The following DNAH8 variants were observed in gnomAD, a reference collection of about 807,000 sequenced individuals.
The protein encoded by DNAH8 is dynein axonemal heavy chain 8.
DNAH8 carries 382 observed loss-of-function variants against 562.1 expected under a neutral mutation model. The observed-to-expected ratio is 0.68, with a 90% CI of 0.63 to 0.74. The LOEUF is 0.74. DNAH8 is among the 30% of genes least tolerant of loss of function. DNAH8 has a pLI of 0.00. For synonymous variants in DNAH8, 1,881 were observed against 1,919.4 expected (o/e 0.98, Z 0.52); for missense variants, 5,203 against 5,620.4 (o/e 0.93, Z 2.37).
intron 22 of DNAH8, among the ~76,000 whole-genome samples, chr6:38,803,663 C>CTT (rs35261274): frequency 6.8e-4 from 94 of 138,620 alleles, no homozygotes; most frequent in African/African-American, 1.8e-3. Flanking sequence ...ATTTATTTTA[C>CTT]TTTTTTTTTT....
Position 38,873,649 on chromosome 6 carries a change from A to C in DNAH8, c.7620+273A>C, listed in dbSNP as rs1175210531. Among the ~76,000 whole-genome samples, 3 of 152,004 alleles carry C rather than the reference A, an allele frequency of 2.0e-5. No individual in the cohort carries two copies. The East Asian group carries it at 5.8e-4, about 29-fold the overall frequency. The stretch of plus-strand genomic sequence containing the variant: ...TCAGGTTTAGTGACCTGTCCCATAA[A>C]GTGTGTATAATAATGACAGTCAATA... On this transcript the variant is annotated intron_variant, in intron 52 of 92. Transcript: ENST00000327475.
At chr6:38,744,508 A>G (rs1764770556) in intron 8 of DNAH8, 1 of 151,996 alleles carries the variant, frequency 6.6e-6, no homozygotes, top group Admixed American at 6.6e-5. Context: ...CTGGCTATTC[A>G]TATTTCTTTT....
chr6:38,910,398 A>G (rs761888035), intron 65 of DNAH8, among the ~76,000 whole-genome samples: 2 of 152,242 alleles, frequency 1.3e-5, no homozygotes, highest in African/African-American at 2.4e-5. Context: ...TTTTCTGCAT[A>G]GAGAGTTTGC....
intron 21 of DNAH8, among the ~76,000 whole-genome samples, chr6:38,795,201 A>T (rs1464703017): frequency 2.6e-5 from 4 of 152,206 alleles, no homozygotes; most frequent in African/African-American, 9.6e-5. Context: ...CATCACAATG[A>T]TCTATTTCCA....
intron 37 of DNAH8, among the ~76,000 whole-genome samples, chr6:38,849,258 CTG>C (rs1434725052): frequency 6.6e-6 from 1 of 152,116 alleles, no homozygotes; most frequent in Non-Finnish European, 1.5e-5. Context: ...TAATATTCCT[CTG>C]AGAATAATAT....
chr6:38,882,912 G>T lies in DNAH8; in HGVS notation c.7861G>T (p.Asp2621Tyr), dbSNP rs1415506933. ...ATGAAATTTTACTTATTATATAGGT[G>T]ATTGGGAGCACTGGAATAAGAAACT... ...MYEFYVTDYG[D>Y]WEHWNKKLQP... The change falls in exon 54 of 93, where the codon GAT (aspartate) becomes TAT (tyrosine). Residue 2621 changes from aspartate (D) to tyrosine (Y), a missense_variant and splice_region_variant. Around this residue, in one of 6 missense-constraint regions of DNAH8, gnomAD observed 977 missense variants for 1,061.8 expected, o/e 0.92. Transcript: ENST00000327475. The T allele has an allele frequency of 1.3e-6, 2 of 1,569,938 alleles. No homozygotes were observed. The highest frequency in any genetic ancestry group is 2.5e-5 in the South Asian group (2 of 80,560).
chr6:38,742,400 C>A (rs954372127), intron 8 of DNAH8, among the ~76,000 whole-genome samples: 10 of 152,044 alleles, frequency 6.6e-5, no homozygotes, highest in Non-Finnish European at 1.2e-4. Flanking sequence ...CAGGCTCAAG[C>A]GATTATCTTG....
intron 84 of DNAH8, 131 bp from the exon 85 acceptor site, chr6:38,974,243 A>G (rs967749832): frequency 1.4e-6 from 1 of 726,808 alleles, no homozygotes; most frequent in African/African-American, 1.8e-5. Flanking sequence ...TAATATTCCA[A>G]AATCTGAAAT....
At chr6:38,898,230 A>T in intron 60 of DNAH8, 28 bp from the exon 61 acceptor site, 11 of 1,559,860 alleles carry the variant, frequency 7.1e-6, no homozygotes, top group Non-Finnish European at 9.5e-6. Context: ...CTTAAATATT[A>T]TTTTTTTATC....
chr6:38,823,947 T>C (rs1773095983), intron 28 of DNAH8, among the ~76,000 whole-genome samples: 1 of 152,162 alleles, frequency 6.6e-6, no homozygotes, highest in Non-Finnish European at 1.5e-5. Flanking sequence ...GCCATTGATA[T>C]TCTTTATACA....
intron 79 of DNAH8, among the ~76,000 whole-genome samples, chr6:38,941,327 T>C (rs148697537): frequency 2.0e-5 from 3 of 152,330 alleles, no homozygotes; most frequent in Non-Finnish European, 4.4e-5. Context: ...CGATAACTTC[T>C]TACTCTTTCT....
chr6:38,900,622 CT>C (rs548790228), intron 62 of DNAH8, among the ~76,000 whole-genome samples: 3,015 of 145,550 alleles, frequency 0.021, 81 homozygotes, highest in African/African-American at 0.061. Flanking sequence ...TTTAGCAAAT[CT>C]TTTTTTTTTT....
At chr6:38,780,192 C>A in intron 15 of DNAH8, 127 bp downstream of exon 15, 2 of 890,928 alleles carry the variant, frequency 2.2e-6, no homozygotes, top group Non-Finnish European at 3.4e-6. Context: ...GGAGCATTGA[C>A]GCTCCCTTCT....
intron 83 of DNAH8, chr6:38,972,229 A>T (rs889985687): frequency 6.6e-6 from 1 of 152,198 alleles, no homozygotes; most frequent in Non-Finnish European, 1.5e-5. Flanking sequence ...TTCAGCTGTA[A>T]TAAGAAATTA....
chr6:38,802,550 CA>C (rs1770876801), intron 21 of DNAH8, among the ~76,000 whole-genome samples: 1 of 152,194 alleles, frequency 6.6e-6, no homozygotes, highest in African/African-American at 2.4e-5. Flanking sequence ...TTTAGAAAGA[CA>C]AAGTGCAGGC....
intron 91 of DNAH8, among the ~76,000 whole-genome samples, chr6:39,014,775 A>C (rs1432576687): frequency 2.0e-5 from 3 of 152,130 alleles, no homozygotes; most frequent in Non-Finnish European, 4.4e-5. Flanking sequence ...CTCAGGAGCA[A>C]GGCTGGGGGT....
intron 9 of DNAH8, among the ~76,000 whole-genome samples, chr6:38,753,044 C>T (rs995844102): frequency 2.0e-5 from 3 of 151,992 alleles, no homozygotes; most frequent in African/African-American, 7.2e-5. Flanking sequence ...GTAGTGAGTA[C>T]AGTACACAAT....
intron 11 of DNAH8, among the ~76,000 whole-genome samples, chr6:38,767,953 C>T (rs1386035634): frequency 2.0e-5 from 3 of 152,156 alleles, no homozygotes; most frequent in Non-Finnish European, 4.4e-5. Flanking sequence ...ATCTCCTTGC[C>T]AACACTTTTT....
At chr6:38,754,708 C>A (rs1199305579) in intron 9 of DNAH8, among the ~76,000 whole-genome samples, 2 of 152,144 alleles carry the variant, frequency 1.3e-5, no homozygotes, top group African/African-American at 2.4e-5. Context: ...ATGTAACTTA[C>A]AGCTGTTGGA....
Sources: gnomAD v4.1 joint callset for allele counts (sites outside exome capture counted in the v4.1 genomes callset) on GRCh38, gnomAD v4.1.1 for gene constraint, gnomAD v4.1.1 regional missense constraint, MANE v1.5 for transcripts, NCBI Gene and HGNC (gene_info 2026-07-23, HGNC 2026-07-21) for gene names.